Variants in USP2 observed in about 807,000 individuals in gnomAD.
USP2 encodes the protein ubiquitin specific peptidase 2.
A neutral mutation model predicts 72.0 loss-of-function variants in USP2; 33 were observed. That is an observed-to-expected ratio of 0.46 (90% confidence interval 0.35 to 0.61). The LOEUF is 0.61. Among genes scored for constraint, USP2 ranks in the 20% least tolerant of loss-of-function variants. The pLI, the probability that USP2 is intolerant of heterozygous loss-of-function variation, is 0.01. For missense variants in USP2, 691 were observed against 797.8 expected (o/e 0.87, Z 1.61); for synonymous variants, 296 against 312.5 (o/e 0.95, Z 0.56).
chr11:119,377,267 T>G (rs996081260), intron 1 of USP2, among the ~76,000 whole-genome samples: 1 of 152,190 alleles, frequency 6.6e-6, no homozygotes, highest in African/African-American at 2.4e-5. Context: ...AGAGCTGGGC[T>G]GGACTCGTGC....
chr11:119,360,470 C>G, intron 2 of USP2: 2 of 578,530 alleles, frequency 3.5e-6, no homozygotes, highest in South Asian at 3.1e-5. Flanking sequence ...GTCACCCAGG[C>G]TGGAGTGCAG....
chr11:119,373,276 AG>A lies in USP2; in HGVS notation c.204del (p.Ser69ProfsTer13). 1 of 1,613,772 alleles carries A rather than the reference AG, an allele frequency of 6.2e-7. No individual in the cohort carries two copies. Among genetic ancestry groups the A allele is most frequent in the Non-Finnish European group, 8.5e-7 (1 of 1,179,880 alleles). On this transcript the variant is annotated frameshift_variant, in exon 2 of 13. Transcript: ENST00000260187. LOFTEE classifies it high-confidence loss of function. ...SFLTRPRTYG[P>X]SSLLDYDRGR... ...CCCCGGTCATAGTCCAGGAGGGAGG[AG>A]GGGCCATAGGTACGGGGACGGGTGA...
rs1284652984 is a variant in USP2 at position 119,357,312 on chromosome 11, G to A, written c.1610-5C>T. On this transcript the variant is annotated splice_region_variant and splice_polypyrimidine_tract_variant and intron_variant, in intron 11 of 12. Transcript: ENST00000260187. ...ACAGGTTGTAAACAGCATGGTCTGA[G>A]GAGGAGGCAGCCGTCAAGCCCCCGA... 4 of 1,613,304 alleles carry A rather than the reference G, an allele frequency of 2.5e-6. No homozygotes were observed. In the South Asian group the frequency reaches 4.4e-5, roughly 18 times the overall value.
intron 11 of USP2, 83 bp from the exon 12 acceptor site, chr11:119,357,390 T>G: frequency 6.3e-7 from 1 of 1,598,922 alleles, no homozygotes; most frequent in Admixed American, 1.7e-5. Flanking sequence ...GGTCTCTCAG[T>G]AGCTGGTGCT....
At chr11:119,375,552 G>A (rs532943839) in intron 1 of USP2, among the ~76,000 whole-genome samples, 4 of 152,318 alleles carry the variant, frequency 2.6e-5, no homozygotes, top group South Asian at 2.1e-4. Context: ...AAACCATAGC[G>A]GGAGAGACAG....
At chr11:119,360,922 C>A (rs1212569738) in intron 2 of USP2, among the ~76,000 whole-genome samples, 1 of 152,202 alleles carries the variant, frequency 6.6e-6, no homozygotes, top group African/African-American at 2.4e-5. Context: ...CAGGTGCTAT[C>A]TCAAATGACC....
At chr11:119,359,771 G>A (rs756590979) in intron 3 of USP2, 111 bp from the exon 4 acceptor site, 5 of 1,451,598 alleles carry the variant, frequency 3.4e-6, no homozygotes, top group East Asian at 2.3e-5. Context: ...TTCATAGGAG[G>A]CTATCCTTTC....
intron 2 of USP2, among the ~76,000 whole-genome samples, chr11:119,362,534 G>A (rs1251797299): frequency 2.0e-5 from 3 of 152,106 alleles, no homozygotes; most frequent in Non-Finnish European, 4.4e-5. Context: ...CGACAGAGGA[G>A]GGGGAGCAGG....
At chr11:119,357,692 A>C in intron 10 of USP2, 65 bp downstream of exon 10, 2 of 1,613,400 alleles carry the variant, frequency 1.2e-6, no homozygotes, top group East Asian at 2.2e-5. Flanking sequence ...CCCCTCACCT[A>C]TGGGCCCCTT....
At chr11:119,369,146 T>C (rs1173236980) in intron 2 of USP2, among the ~76,000 whole-genome samples, 1 of 152,156 alleles carries the variant, frequency 6.6e-6, no homozygotes, top group Non-Finnish European at 1.5e-5. Flanking sequence ...TCCTCCTCTC[T>C]GCATTTTAAG....
At chr11:119,360,405 G>T in intron 2 of USP2, 171 bp from the exon 3 acceptor site, 1 of 731,066 alleles carries the variant, frequency 1.4e-6, no homozygotes, top group Non-Finnish European at 2.4e-6. Context: ...ATTGAGGAAT[G>T]CCTGTGATTT....
chr11:119,356,717 G>A lies in USP2; in HGVS notation c.*118C>T. ...CATCCACTCCTGCTCGGCAGCTTCA[G>A]GTTTGTTTTTCTCTTGTCAGGTTTG... On this transcript the variant is annotated 3_prime_UTR_variant, in exon 13 of 13. Coordinates refer to ENST00000260187, the MANE Select transcript of USP2 (RefSeq NM_004205.5). 9.2e-7 allele frequency: 1 copy of A among 1,091,630 alleles called. No homozygotes were observed. The highest frequency in any genetic ancestry group is 1.3e-6 in the Non-Finnish European group (1 of 770,476). 67.6% of individuals were successfully genotyped at this position (1,091,630 alleles called of 1,614,324 possible). A position where few individuals can be genotyped will look rare whatever the true frequency, so the allele number is the denominator to read the frequency against.
intron 1 of USP2, among the ~76,000 whole-genome samples, chr11:119,374,001 G>A (rs1422841455): frequency 6.6e-6 from 1 of 152,182 alleles, no homozygotes; most frequent in Admixed American, 6.5e-5. Context: ...TGGAATCCTA[G>A]ACTGTCTGTG....
intron 2 of USP2, 137 bp downstream of exon 2, chr11:119,372,570 G>C (rs938858076): frequency 3.2e-6 from 3 of 929,940 alleles, no homozygotes; most frequent in Non-Finnish European, 4.6e-6. Context: ...GATGTGCCAG[G>C]ATGACTTCTC....
chr11:119,366,053 C>T (rs1950848698), intron 2 of USP2, among the ~76,000 whole-genome samples: 1 of 152,070 alleles, frequency 6.6e-6, no homozygotes, highest in Admixed American at 6.5e-5. Flanking sequence ...CACCACCACG[C>T]CTGGCTAATT....
At chr11:119,367,985 C>T (rs1392218019) in intron 2 of USP2, among the ~76,000 whole-genome samples, 5 of 152,096 alleles carry the variant, frequency 3.3e-5, no homozygotes, top group African/African-American at 7.2e-5. Context: ...GAGGAGGAGG[C>T]GGGAGGATGG....
At chr11:119,371,653 A>G (rs1305359112) in intron 2 of USP2, among the ~76,000 whole-genome samples, 1 of 152,174 alleles carries the variant, frequency 6.6e-6, no homozygotes, top group African/African-American at 2.4e-5. Context: ...CCCTCCAAGC[A>G]GTATTTCTTG....
At chr11:119,379,917 CTT>C (rs397816714) in intron 1 of USP2, among the ~76,000 whole-genome samples, 35 of 116,546 alleles carry the variant, frequency 3.0e-4, no homozygotes, top group Middle Eastern at 5.2e-3. Flanking sequence ...GTTCCTTTCT[CTT>C]TTTTTTTTTT....
intron 12 of USP2, 26 bp downstream of exon 12, chr11:119,357,161 G>A (rs773695225): frequency 1.4e-5 from 22 of 1,612,142 alleles, no homozygotes; most frequent in East Asian, 8.9e-5. Context: ...TACAGCCAGG[G>A]GCTCCGGCCC....
Sources: gnomAD v4.1 joint callset for allele counts (sites outside exome capture counted in the v4.1 genomes callset) on GRCh38, gnomAD v4.1.1 for gene constraint, MANE v1.5 for transcripts, NCBI Gene and HGNC (gene_info 2026-07-23, HGNC 2026-07-21) for gene names.